Variants in ZFAT observed in about 807,000 individuals in gnomAD.
The protein encoded by ZFAT is zinc finger protein ZFAT.
Under a neutral mutation model 117.7 loss-of-function variants are expected in ZFAT, and 64 were observed. The ratio of observed to expected loss-of-function variants is 0.54; its 90% CI spans 0.44 to 0.67. ZFAT has a LOEUF of 0.67. Among genes scored for constraint, ZFAT ranks in the 30% least tolerant of loss-of-function variants. ZFAT has a pLI of 0.00. For missense variants in ZFAT, 1,433 were observed against 1,584.5 expected (o/e 0.90, Z 1.62); for synonymous variants, 679 against 615.0 (o/e 1.10, Z -1.54).
chr8:134,612,086 G>A (rs1563675455), intron 3 of ZFAT, among the ~76,000 whole-genome samples: 1 of 152,220 alleles, frequency 6.6e-6, no homozygotes, highest in South Asian at 2.1e-4. Context: ...GGGAAGGGAG[G>A]AAAAGGAGTT....
intron 12 of ZFAT, among the ~76,000 whole-genome samples, chr8:134,528,671 C>T (rs1821186196): frequency 6.6e-6 from 1 of 152,204 alleles, no homozygotes; most frequent in Admixed American, 6.5e-5. Flanking sequence ...GTTACCCACC[C>T]TTACACTTCA....
chr8:134,752,896 C>T, the ZFAT span, among the ~76,000 whole-genome samples: 1 of 152,152 alleles, frequency 6.6e-6, no homozygotes, highest in African/African-American at 2.4e-5. Flanking sequence ...CAAATACCAT[C>T]ACACAGGAGG....
At chr8:134,794,867 G>A in the ZFAT span, 1 of 152,232 alleles carries the variant, frequency 6.6e-6, no homozygotes, top group Admixed American at 6.5e-5. Flanking sequence ...GAGCTTGGAA[G>A]CAAAATAAAT....
chr8:134,768,874 A>G, the ZFAT span, among the ~76,000 whole-genome samples: 1 of 152,282 alleles, frequency 6.6e-6, no homozygotes, highest in African/African-American at 2.4e-5. Flanking sequence ...CATTAACTCA[A>G]AAGTCCACAG....
chr8:134,634,097 T>C (rs4909332), intron 3 of ZFAT, among the ~76,000 whole-genome samples: 115,127 of 152,130 alleles, frequency 0.76, 43,856 homozygotes, highest in East Asian at 0.91. Context: ...ATAGTGCCTA[T>C]CTCTTAAGCT....
At chr8:134,614,666 T>C (rs1450471648) in intron 3 of ZFAT, among the ~76,000 whole-genome samples, 1 of 152,164 alleles carries the variant, frequency 6.6e-6, no homozygotes, top group African/African-American at 2.4e-5. Context: ...ACCTGCTCTG[T>C]TGTGTTCAAA....
chr8:134,594,653 C>T (rs1826786706), intron 7 of ZFAT, among the ~76,000 whole-genome samples: 1 of 152,214 alleles, frequency 6.6e-6, no homozygotes, highest in South Asian at 2.1e-4. Flanking sequence ...TTACTCTGGA[C>T]AGGCCCCTCC....
chr8:134,543,627 A>T (rs993888673), intron 11 of ZFAT, among the ~76,000 whole-genome samples: 1 of 152,190 alleles, frequency 6.6e-6, no homozygotes, highest in Non-Finnish European at 1.5e-5. Context: ...GGCTCTGTGT[A>T]TCTTCCCCTC....
At chr8:134,719,679 C>T in the ZFAT span, among the ~76,000 whole-genome samples, 1 of 152,128 alleles carries the variant, frequency 6.6e-6, no homozygotes. Context: ...AGTGCAGTAA[C>T]AGAGGCAGAA....
At chr8:134,575,055 T>C (rs751426221) in intron 10 of ZFAT, among the ~76,000 whole-genome samples, 2 of 152,174 alleles carry the variant, frequency 1.3e-5, no homozygotes, top group African/African-American at 2.4e-5. Context: ...ATTCTTATAC[T>C]GTGTCATTAA....
At chr8:134,522,374 C>T (rs890448286) in intron 12 of ZFAT, among the ~76,000 whole-genome samples, 6 of 152,258 alleles carry the variant, frequency 3.9e-5, no homozygotes, top group African/African-American at 1.4e-4. Flanking sequence ...TGTGGAGTTT[C>T]ATTCAGTCAC....
intron 11 of ZFAT, among the ~76,000 whole-genome samples, chr8:134,550,330 A>C (rs1823060236): frequency 6.6e-6 from 1 of 151,342 alleles, no homozygotes; most frequent in African/African-American, 2.4e-5. Flanking sequence ...AAAAAAAAAA[A>C]AACAGCACAG....
At chr8:134,646,506 A>T (rs1830906540) in intron 2 of ZFAT, among the ~76,000 whole-genome samples, 2 of 152,144 alleles carry the variant, frequency 1.3e-5, no homozygotes, top group African/African-American at 2.4e-5. Context: ...AAGGAATTAG[A>T]CAAAGAAGAA....
intron 3 of ZFAT, among the ~76,000 whole-genome samples, chr8:134,632,052 T>C (rs954767045): frequency 2.0e-5 from 3 of 152,220 alleles, no homozygotes; most frequent in African/African-American, 4.8e-5. Flanking sequence ...TGGTCAAATA[T>C]ATACAGTTGA....
chr8:134,757,220 T>TTGG, the ZFAT span, among the ~76,000 whole-genome samples: 2 of 152,128 alleles, frequency 1.3e-5, no homozygotes, highest in South Asian at 4.2e-4. Context: ...TTTCACCATG[T>TTGG]TGGCCAGGCT....
intron 3 of ZFAT, among the ~76,000 whole-genome samples, chr8:134,615,857 A>AGTT (rs1828689801): frequency 1.3e-5 from 2 of 152,262 alleles, no homozygotes; most frequent in Non-Finnish European, 2.9e-5. Flanking sequence ...ACCGCACTGA[A>AGTT]CAGCCTTGAA....
chr8:134,539,364 G>C (rs1822080210), intron 11 of ZFAT, among the ~76,000 whole-genome samples: 1 of 152,196 alleles, frequency 6.6e-6, no homozygotes, highest in African/African-American at 2.4e-5. Flanking sequence ...TGTTTTTGCA[G>C]TCTAATTTGT....
In ZFAT at chr8:134,624,180, GCACACACACA is replaced by G. The variant is rs57195425; in HGVS notation, c.448+13271_448+13280del. Among the ~76,000 whole-genome samples the G allele has an allele frequency of 8.4e-3, 1,223 of 146,292 alleles. 16 individuals carry two copies. The highest frequency in any genetic ancestry group is 8.9e-3 in the Non-Finnish European group (592 of 66,710). On this transcript the variant is annotated intron_variant, in intron 3 of 15. Transcript: ENST00000377838. The stretch of plus-strand genomic sequence containing the variant: ...CTAACGTGCAGGCACATGTGCACAT[GCACACACACA>G]CACACACACACACACACACACACAC...
chr8:134,635,947 C>T (rs1041323689), intron 3 of ZFAT, among the ~76,000 whole-genome samples: 1 of 152,180 alleles, frequency 6.6e-6, no homozygotes, highest in African/African-American at 2.4e-5. Context: ...AGCTCCACCT[C>T]CTTTGATCCT....
Sources: gnomAD v4.1 joint callset for allele counts (sites outside exome capture counted in the v4.1 genomes callset) on GRCh38, gnomAD v4.1.1 for gene constraint, MANE v1.5 for transcripts, NCBI Gene and HGNC (gene_info 2026-07-23, HGNC 2026-07-21) for gene names.